PTH2R: variants seen among roughly 807,000 people sequenced by gnomAD.
PTH2R encodes the protein parathyroid hormone 2 receptor, also known as PTH2 receptor.
In PTH2R, 59 loss-of-function variants were observed where a neutral mutation model predicts 60.3. The ratio of observed to expected loss-of-function variants is 0.98; its 90% confidence interval spans 0.79 to 1.22. PTH2R has a LOEUF of 1.22. Among genes scored for constraint, PTH2R ranks in the 50% most tolerant of loss-of-function variants. The pLI, the probability that PTH2R is intolerant of heterozygous loss-of-function variation, is 0.00. For missense variants in PTH2R, 749 were observed against 682.6 expected (o/e 1.10, Z -1.08); for synonymous variants, 256 against 243.8 (o/e 1.05, Z -0.47).
chr2:208,436,193 C>T (rs888643899), intron 2 of PTH2R, among the ~76,000 whole-genome samples: 2 of 152,094 alleles, frequency 1.3e-5, no homozygotes, highest in Non-Finnish European at 2.9e-5. Context: ...GTGAAAAATA[C>T]AGCAGGAAAA....
chr2:208,424,350 A>G (rs958936928), intron 1 of PTH2R, among the ~76,000 whole-genome samples: 1 of 152,122 alleles, frequency 6.6e-6, no homozygotes, highest in Non-Finnish European at 1.5e-5. Flanking sequence ...TTCTTGTATA[A>G]GTGGTTAGCT....
Position 208,359,916 on chromosome 2 carries a change from G to A in PTH2R, c.-580G>A, listed in dbSNP as rs1700410311. On this transcript the variant is annotated 5_prime_UTR_variant, in exon 1 of 13. Coordinates refer to the PTH2R transcript ENST00000617735. Reference sequence around the variant, plus strand: ...GCCAGCTGCGCAGGGAGACCGGGAGGTGGCAGATCTGCGGGGCGCCCAGTC... The same window carrying A: ...GCCAGCTGCGCAGGGAGACCGGGAGATGGCAGATCTGCGGGGCGCCCAGTC... 1.3e-5 allele frequency: 3 copies of A among 229,916 alleles called. No homozygotes were observed. The South Asian group carries it at 1.4e-4, about 11-fold the overall frequency. 14.2% of individuals were successfully genotyped at this position (229,916 alleles called of 1,614,324 possible).
intron 1 of PTH2R, among the ~76,000 whole-genome samples, chr2:208,361,761 CT>C (rs80313864): frequency 1.1e-3 from 164 of 144,070 alleles, no homozygotes; most frequent in East Asian, 1.4e-3. Context: ...TCAAGATTTC[CT>C]TTTTTTTTTT....
At chr2:208,421,511 G>A (rs1283524209) in intron 1 of PTH2R, among the ~76,000 whole-genome samples, 1 of 151,788 alleles carries the variant, frequency 6.6e-6, no homozygotes, top group Non-Finnish European at 1.5e-5. Flanking sequence ...TAGTTTCATG[G>A]TTCATAAAGG....
chr2:208,438,346 G>A (rs1049845019), intron 4 of PTH2R, among the ~76,000 whole-genome samples: 10 of 152,086 alleles, frequency 6.6e-5, no homozygotes, highest in Admixed American at 3.9e-4. Flanking sequence ...AAAGATTAGA[G>A]TTTTAGGATT....
At chr2:208,456,576 G>T (rs1230280937) in intron 8 of PTH2R, among the ~76,000 whole-genome samples, 1 of 152,142 alleles carries the variant, frequency 6.6e-6, no homozygotes, top group Non-Finnish European at 1.5e-5. Flanking sequence ...TACTCTTACT[G>T]ATTGTAAGTT....
chr2:208,431,016 G>T (rs1469116882), intron 2 of PTH2R, among the ~76,000 whole-genome samples: 1 of 151,996 alleles, frequency 6.6e-6, no homozygotes, highest in African/African-American at 2.4e-5. Context: ...CTGAAATTTT[G>T]CTCCCCTTTA....
upstream of PTH2R, chr2:208,406,764 A>T (rs1287370392): frequency 8.7e-5 from 26 of 300,230 alleles, no homozygotes; most frequent in South Asian, 1.6e-4. Context: ...TTCCCGCCGC[A>T]GGCGGCGCGG....
intron 1 of PTH2R, among the ~76,000 whole-genome samples, chr2:208,400,755 CTT>C (rs1359842219): frequency 6.6e-6 from 1 of 152,134 alleles, no homozygotes; most frequent in Non-Finnish European, 1.5e-5. Context: ...AAAATAGTCT[CTT>C]TAATTTCCAA....
At chr2:208,457,960 A>C (rs1166146246) in intron 8 of PTH2R, among the ~76,000 whole-genome samples, 2 of 152,128 alleles carry the variant, frequency 1.3e-5, no homozygotes, top group African/African-American at 4.8e-5. Context: ...ATATCCCACA[A>C]ATTTCTTTAT....
At chr2:208,379,245 G>A (rs1268189102) in intron 1 of PTH2R, among the ~76,000 whole-genome samples, 2 of 152,114 alleles carry the variant, frequency 1.3e-5, no homozygotes, top group African/African-American at 4.8e-5. Flanking sequence ...TATTAATAAA[G>A]TTAGCAGGTA....
At chr2:208,429,937 A>C (rs1184370810) in intron 2 of PTH2R, among the ~76,000 whole-genome samples, 1 of 152,212 alleles carries the variant, frequency 6.6e-6, no homozygotes, top group African/African-American at 2.4e-5. Context: ...AATATACAGT[A>C]TTTGAGTTTA....
At position 208,419,737 on chromosome 2, in the gene PTH2R, A is replaced by G. The variant is rs967267533; in HGVS notation, c.76-8464A>G. Among the ~76,000 whole-genome samples the G allele has an allele frequency of 7.2e-5, 11 of 152,334 alleles. No individual in the cohort carries two copies. The East Asian group carries it at 1.9e-3, about 27-fold the overall frequency. On this transcript the variant is annotated intron_variant, in intron 1 of 12. Transcript: ENST00000272847. ...GAAGGGATCCAGTTCAGCTTTCTACATATGGCTAGCCAGTTTTCCCAGCAC... is the reference window on the plus strand; with the variant it reads ...GAAGGGATCCAGTTCAGCTTTCTACGTATGGCTAGCCAGTTTTCCCAGCAC...
At chr2:208,400,425 G>A (rs750767579) in intron 1 of PTH2R, among the ~76,000 whole-genome samples, 3 of 152,164 alleles carry the variant, frequency 2.0e-5, no homozygotes, top group African/African-American at 7.2e-5. Flanking sequence ...ATGTCCTTCG[G>A]TGGAGTATTC....
At chr2:208,462,591 A>G (rs1366120444) in intron 9 of PTH2R, among the ~76,000 whole-genome samples, 1 of 152,238 alleles carries the variant, frequency 6.6e-6, no homozygotes, top group African/African-American at 2.4e-5. Flanking sequence ...GATATGTTTT[A>G]AAACCTGGAT....
At chr2:208,427,186 G>A (rs1046969460) in intron 1 of PTH2R, among the ~76,000 whole-genome samples, 1 of 152,042 alleles carries the variant, frequency 6.6e-6, no homozygotes, top group Non-Finnish European at 1.5e-5. Flanking sequence ...TAGGATTGAA[G>A]TAAAAGGAAG....
chr2:208,472,656 CT>C (rs899470037), intron 9 of PTH2R, among the ~76,000 whole-genome samples: 2 of 152,042 alleles, frequency 1.3e-5, no homozygotes, highest in South Asian at 2.1e-4. Flanking sequence ...TCCATTAAAC[CT>C]TTTTTTTGTT....
In PTH2R at chr2:208,361,142, G is replaced by A. The variant is rs144737793; in HGVS notation, c.-259+905G>A. The A allele has an allele frequency of 4.9e-3, 781 of 158,230 alleles. 7 individuals carry two copies. Among genetic ancestry groups the A allele is most frequent in the African/African-American group, 0.017 (715 of 41,710 alleles). 9.8% of individuals were successfully genotyped at this position (158,230 alleles called of 1,614,324 possible). A position where few individuals can be genotyped will look rare whatever the true frequency, so the allele number is the denominator to read the frequency against. On this transcript the variant is annotated intron_variant, in intron 1 of 12. Transcript: ENST00000617735. ...GGGTGCGGGCTTACCCTCCTGGCCC[G>A]TCAGCGTCCACACAGAGGCCTTGTG...
At chr2:208,385,016 C>A (rs887131291) in intron 1 of PTH2R, among the ~76,000 whole-genome samples, 1 of 152,210 alleles carries the variant, frequency 6.6e-6, no homozygotes, top group Non-Finnish European at 1.5e-5. Flanking sequence ...GAAAAACACT[C>A]CTTTTTTCTA....
Sources: allele counts gnomAD v4.1 joint callset (sites outside exome capture counted in the v4.1 genomes callset), GRCh38; gene constraint gnomAD v4.1.1; transcripts MANE v1.5; gene names NCBI Gene and HGNC (gene_info 2026-07-23, HGNC 2026-07-21).